The following SLC1A2 variants were observed in gnomAD, a reference collection of about 807,000 sequenced individuals.
SLC1A2 encodes excitatory amino acid transporter 2.
Under a neutral mutation model 48.8 loss-of-function variants are expected in SLC1A2, and 15 were observed. The ratio of observed to expected loss-of-function variants is 0.31; its 90% confidence interval spans 0.21 to 0.47. The LOEUF (loss-of-function observed/expected upper bound fraction) is 0.47, where lower values mean the gene tolerates loss of function less well. Ranked by LOEUF, SLC1A2 falls within the 20% of genes least tolerant of loss-of-function variation. The pLI is 0.99. For synonymous variants in SLC1A2, 279 were observed against 272.6 expected (o/e 1.02, Z -0.23); for missense variants, 502 against 730.5 (o/e 0.69, Z 3.61).
At chr11:35,393,836 T>C (rs1055781420) in intron 1 of SLC1A2, among the ~76,000 whole-genome samples, 1 of 152,074 alleles carries the variant, frequency 6.6e-6, no homozygotes, top group Non-Finnish European at 1.5e-5. Context: ...AATGCTCTGG[T>C]TTTAAAGAAT....
intron 3 of SLC1A2, among the ~76,000 whole-genome samples, chr11:35,313,554 G>A (rs375058346): frequency 4.5e-4 from 69 of 152,204 alleles, no homozygotes; most frequent in African/African-American, 1.5e-3. Context: ...AGTCCTTTTT[G>A]CTATGGGGGA....
At chr11:35,308,644 C>T (rs759731946) in intron 4 of SLC1A2, among the ~76,000 whole-genome samples, 5 of 152,082 alleles carry the variant, frequency 3.3e-5, no homozygotes, top group Non-Finnish European at 7.4e-5. Flanking sequence ...AGCATTAATC[C>T]CATCCATGAA....
intron 8 of SLC1A2, 62 bp downstream of exon 8, chr11:35,286,694 TG>T: frequency 8.1e-7 from 1 of 1,231,142 alleles, no homozygotes; most frequent in Non-Finnish European, 1.1e-6. Flanking sequence ...CTCTGTCACA[TG>T]GAGTTAGTGT....
At chr11:35,368,491 T>A (rs555249407) in intron 1 of SLC1A2, among the ~76,000 whole-genome samples, 1 of 152,354 alleles carries the variant, frequency 6.6e-6, no homozygotes, top group South Asian at 2.1e-4. Flanking sequence ...TTATTGATTA[T>A]CATCAAATCT....
At chr11:35,282,577 G>A (rs554107291) in intron 8 of SLC1A2, among the ~76,000 whole-genome samples, 1 of 148,716 alleles carries the variant, frequency 6.7e-6, no homozygotes, top group East Asian at 2.0e-4. Context: ...AGGCTGCTTT[G>A]CAATGAAAAC....
At chr11:35,293,751 C>T (rs184327060) in intron 6 of SLC1A2, among the ~76,000 whole-genome samples, 82 of 152,288 alleles carry the variant, frequency 5.4e-4, no homozygotes, top group African/African-American at 1.9e-3. Context: ...AAGATCTATA[C>T]AGACTTGCAA....
chr11:35,417,504 C>A lies in SLC1A2; in HGVS notation c.17+1446G>T, dbSNP rs1007010108. Among the ~76,000 whole-genome samples, 100 of 152,182 alleles carry A rather than the reference C, an allele frequency of 6.6e-4. 2 individuals are homozygous for A. The highest frequency in any genetic ancestry group is 6.5e-3 in the Admixed American group (100 of 15,288). ...TTTCATATCTTTTCTAATATAAAAG[C>A]CTTTTTAACTAAACATGGTAAGACA... On this transcript the variant is annotated intron_variant, in intron 1 of 10. Transcript: ENST00000278379.
intron 9 of SLC1A2, among the ~76,000 whole-genome samples, chr11:35,271,669 CCATCTCTA>C (rs1223391643): frequency 2.4e-4 from 37 of 151,958 alleles, no homozygotes; most frequent in African/African-American, 7.7e-4. Context: ...CGGTGAAACC[CCATCTCTA>C]CTAAAAATGC....
At chr11:35,393,306 G>T (rs1272510562) in intron 1 of SLC1A2, among the ~76,000 whole-genome samples, 3 of 152,224 alleles carry the variant, frequency 2.0e-5, no homozygotes, top group Non-Finnish European at 4.4e-5. Context: ...CAGCCTCTCT[G>T]TAAGGATCTG....
At chr11:35,285,291 A>G (rs1850779066) in intron 8 of SLC1A2, 2 of 152,358 alleles carry the variant, frequency 1.3e-5, no homozygotes, top group East Asian at 1.9e-4. Flanking sequence ...TGAGCCTCAC[A>G]TGCCTCCTCT....
chr11:35,327,584 C>T (rs1278516623), intron 1 of SLC1A2, among the ~76,000 whole-genome samples: 1 of 152,190 alleles, frequency 6.6e-6, no homozygotes, highest in South Asian at 2.1e-4. Context: ...TCTTCCATAA[C>T]AGGAACCCAA....
intron 1 of SLC1A2, among the ~76,000 whole-genome samples, chr11:35,327,968 C>A (rs1852300777): frequency 6.6e-6 from 1 of 152,174 alleles, no homozygotes; most frequent in East Asian, 1.9e-4. Context: ...ACCATCTACA[C>A]CAAGGCACTA....
intron 1 of SLC1A2, among the ~76,000 whole-genome samples, chr11:35,369,769 G>T (rs775944552): frequency 1.3e-5 from 2 of 152,180 alleles, no homozygotes; most frequent in Admixed American, 6.5e-5. Flanking sequence ...GATCATCATC[G>T]TCAGCCCAGA....
At chr11:35,285,417 T>C (rs1460690231) in intron 8 of SLC1A2, 1 of 152,246 alleles carries the variant, frequency 6.6e-6, no homozygotes, top group Non-Finnish European at 1.5e-5. Flanking sequence ...ATTATCATCA[T>C]GGAGGATGAA....
At chr11:35,383,052 G>A (rs1005117879) in intron 1 of SLC1A2, among the ~76,000 whole-genome samples, 5 of 152,142 alleles carry the variant, frequency 3.3e-5, no homozygotes, top group African/African-American at 1.2e-4. Flanking sequence ...TATGACAGAG[G>A]AATTTTAGGC....
At chr11:35,404,548 G>A (rs977142509) in intron 1 of SLC1A2, 7 of 152,208 alleles carry the variant, frequency 4.6e-5, no homozygotes, top group Admixed American at 2.6e-4. Context: ...AAAGTGGTTG[G>A]GCTTCCCTTC....
At chr11:35,373,687 T>C (rs1390232810) in intron 1 of SLC1A2, among the ~76,000 whole-genome samples, 1 of 152,150 alleles carries the variant, frequency 6.6e-6, no homozygotes, top group African/African-American at 2.4e-5. Flanking sequence ...GTGGTAGGGC[T>C]AATGCAGCAT....
In SLC1A2 at chr11:35,292,299, C is replaced by T; in HGVS notation, c.1079G>A (p.Gly360Asp). ...TTTTGTTCTCTACCTGGAAGCGGTG[C>T]CCAGGGCAGTGATCCAAGCTTGGAA... ...GIFQAWITAL[G>D]TASSAGTLPV... Residue 360 changes from glycine (G) to aspartate (D), a missense_variant, in exon 7 of 11, where the codon GGC becomes GAC. Physicochemically the swap from Gly to Asp is moderately conservative, Grantham distance 94. This residue lies in a region of SLC1A2 where 309 missense variants were observed against 480.3 expected (regional missense o/e 0.64). Transcript: ENST00000278379. The T allele has an allele frequency of 6.2e-7, 1 of 1,612,122 alleles. No homozygotes were observed. Among genetic ancestry groups the T allele is most frequent in the Non-Finnish European group, 8.5e-7 (1 of 1,178,292 alleles).
rs34298257 is a variant in SLC1A2 at position 35,317,384 on chromosome 11, C to T, written c.150G>A (p.Thr50=). 275 of 1,614,046 alleles carry T rather than the reference C, an allele frequency of 1.7e-4. 1 individual carries two copies. In the African/African-American group the frequency reaches 3.2e-3, roughly 19 times the overall value. ...KLGKNLLLTL[T]VFGVILGAVC... ...GGTAGTGCAGGTACCTACCAAACAC[C>T]GTCAGGGTGAGCAGCAGATTCTTCC... Residue 50 remains threonine (T), a synonymous_variant, in exon 2 of 11, where the codon ACG becomes ACA. Coordinates refer to ENST00000278379, the MANE Select transcript of SLC1A2 (RefSeq NM_004171.4).
Sources: allele counts gnomAD v4.1 joint callset (sites outside exome capture counted in the v4.1 genomes callset), GRCh38; gene constraint gnomAD v4.1.1; regional missense constraint gnomAD v4.1.1; transcripts MANE v1.5; gene names NCBI Gene and HGNC (gene_info 2026-07-23, HGNC 2026-07-21).